The following RBM47 variants were observed in gnomAD, a reference collection of about 807,000 sequenced individuals.
RBM47 encodes the protein RNA-binding protein 47.
In RBM47, 21 loss-of-function variants were observed where a neutral mutation model predicts 47.1. That is an observed-to-expected ratio of 0.45 (90% CI 0.32 to 0.64). RBM47 has a LOEUF of 0.64. RBM47 is among the 30% of genes least tolerant of loss of function. RBM47 has a pLI of 0.05. For synonymous variants in RBM47, 375 were observed against 361.7 expected (o/e 1.04, Z -0.42); for missense variants, 708 against 870.9 (o/e 0.81, Z 2.35).
chr4:40,523,011 G>C (rs1415761342), intron 2 of RBM47, among the ~76,000 whole-genome samples: 3 of 146,334 alleles, frequency 2.1e-5, no homozygotes, highest in African/African-American at 7.7e-5. Flanking sequence ...ACTCACCCAG[G>C]CTGGGGTGCA....
At chr4:40,432,093 A>T (rs980420390) in intron 6 of RBM47, among the ~76,000 whole-genome samples, 2 of 151,502 alleles carry the variant, frequency 1.3e-5, no homozygotes, top group Non-Finnish European at 2.9e-5. Context: ...GCCTCAAGTG[A>T]TCCTCCCATC....
intron 2 of RBM47, among the ~76,000 whole-genome samples, chr4:40,501,417 CAT>C (rs1344786420): frequency 6.6e-6 from 1 of 152,214 alleles, no homozygotes; most frequent in Non-Finnish European, 1.5e-5. Flanking sequence ...CCATACTTCA[CAT>C]AGTCAGATGC....
At chr4:40,524,223 T>G (rs560051130) in intron 2 of RBM47, among the ~76,000 whole-genome samples, 2 of 152,260 alleles carry the variant, frequency 1.3e-5, no homozygotes, top group South Asian at 2.1e-4. Flanking sequence ...ATATACAACC[T>G]CCTGCCAAAT....
At chr4:40,510,187 C>A (rs375382173) in intron 2 of RBM47, among the ~76,000 whole-genome samples, 226 of 104,150 alleles carry the variant, frequency 2.2e-3, no homozygotes, top group Admixed American at 2.7e-3. Flanking sequence ...AACTCCATCT[C>A]AAAAAAAAAA....
intron 3 of RBM47, among the ~76,000 whole-genome samples, chr4:40,453,947 G>A (rs186696581): frequency 1.3e-5 from 2 of 152,210 alleles, no homozygotes; most frequent in Middle Eastern, 3.4e-3. Context: ...GAACACGTAT[G>A]TGTAATTTGA....
At position 40,432,687 on chromosome 4, in the gene RBM47, A is replaced by AGCGGCTGCG. The variant is rs547575066; in HGVS notation, c.1497_1505dup (p.Ala500_Ala502dup). ...GTGGCGTCGACACAGTGGGAATGAC[A>AGCGGCTGCG]GCGGCTGCGGCGGCTGCGGCCGCGG... On this transcript the variant is annotated inframe_insertion, in exon 6 of 7. Transcript: ENST00000295971. 8.7e-6 allele frequency: 14 copies of AGCGGCTGCG among 1,609,998 alleles called. No individual in the cohort carries two copies. Among genetic ancestry groups the AGCGGCTGCG allele is most frequent in the African/African-American group, 4.0e-5 (3 of 74,640 alleles).
intron 1 of RBM47, among the ~76,000 whole-genome samples, chr4:40,598,888 T>C (rs7665019): frequency 0.4 from 60,541 of 149,528 alleles, 13,339 homozygotes; most frequent in Non-Finnish European, 0.47. Flanking sequence ...GAGGAATCTG[T>C]CGTAATTTAT....
intron 2 of RBM47, among the ~76,000 whole-genome samples, chr4:40,535,011 C>A (rs1727800883): frequency 6.6e-6 from 1 of 151,692 alleles, no homozygotes; most frequent in African/African-American, 2.4e-5. Flanking sequence ...CATGCATGAA[C>A]TGTATGACCT....
chr4:40,491,951 A>T (rs1326071400), intron 2 of RBM47: 2 of 156,120 alleles, frequency 1.3e-5, no homozygotes, highest in East Asian at 3.6e-4. Context: ...TGCACACTGC[A>T]GATTCAGGCA....
intron 2 of RBM47, among the ~76,000 whole-genome samples, chr4:40,490,853 A>G (rs937304479): frequency 3.3e-5 from 5 of 152,164 alleles, no homozygotes; most frequent in African/African-American, 1.2e-4. Flanking sequence ...TCTGATCTAC[A>G]GAGTCAACAC....
At chr4:40,524,312 C>A (rs542531586) in intron 2 of RBM47, among the ~76,000 whole-genome samples, 8 of 152,286 alleles carry the variant, frequency 5.3e-5, no homozygotes, top group African/African-American at 1.9e-4. Flanking sequence ...TCAAGTGAAG[C>A]TAATTATTGG....
At chr4:40,497,549 G>A (rs1441131044) in intron 2 of RBM47, among the ~76,000 whole-genome samples, 1 of 151,986 alleles carries the variant, frequency 6.6e-6, no homozygotes, top group Non-Finnish European at 1.5e-5. Flanking sequence ...AGTCCAGGAA[G>A]TCAAGGCTGC....
chr4:40,576,533 G>A (rs374196407), intron 1 of RBM47, among the ~76,000 whole-genome samples: 1 of 152,010 alleles, frequency 6.6e-6, no homozygotes, highest in African/African-American at 2.4e-5. Context: ...TCAGACAAAC[G>A]TAACATACTA....
intron 1 of RBM47, among the ~76,000 whole-genome samples, chr4:40,605,446 T>C (rs73134461): frequency 0.019 from 2,970 of 152,330 alleles, 84 homozygotes; most frequent in African/African-American, 0.067. Flanking sequence ...GATTTCTCCA[T>C]ATGTATACCA....
chr4:40,530,974 C>T (rs532589222), intron 2 of RBM47, among the ~76,000 whole-genome samples: 5 of 152,148 alleles, frequency 3.3e-5, no homozygotes, highest in Middle Eastern at 3.4e-3. Flanking sequence ...GGGGTGCATG[C>T]GTGTAGTCCC....
chr4:40,481,940 C>T (rs1048772815), intron 2 of RBM47, among the ~76,000 whole-genome samples: 6 of 152,130 alleles, frequency 3.9e-5, no homozygotes, highest in Admixed American at 3.3e-4. Flanking sequence ...CGGCCTCAAC[C>T]TCCCAAAGTA....
At chr4:40,464,695 C>A (rs1222490879) in intron 3 of RBM47, among the ~76,000 whole-genome samples, 1 of 151,020 alleles carries the variant, frequency 6.6e-6, no homozygotes, top group South Asian at 2.1e-4. Flanking sequence ...GTCAGGAGAT[C>A]GAGACCACGG....
chr4:40,528,734 C>T (rs1164822044), intron 2 of RBM47, among the ~76,000 whole-genome samples: 2 of 152,050 alleles, frequency 1.3e-5, no homozygotes, highest in Non-Finnish European at 2.9e-5. Context: ...CACTGCACTC[C>T]AGCCTGGGTG....
intron 1 of RBM47, among the ~76,000 whole-genome samples, chr4:40,546,644 G>T (rs1051128814): frequency 2.6e-5 from 4 of 152,154 alleles, no homozygotes; most frequent in Non-Finnish European, 5.9e-5. Flanking sequence ...CAATGCAATG[G>T]CCAAATTAAC....
Sources: gnomAD v4.1 joint callset for allele counts (sites outside exome capture counted in the v4.1 genomes callset) on GRCh38, gnomAD v4.1.1 for gene constraint, MANE v1.5 for transcripts, NCBI Gene and HGNC (gene_info 2026-07-23, HGNC 2026-07-21) for gene names.